The following STIM1 variants were observed in gnomAD, a reference collection of about 807,000 sequenced individuals.
STIM1 encodes the protein stromal interaction molecule 1.
Under a neutral mutation model 74.7 loss-of-function variants are expected in STIM1, and 25 were observed. The observed-to-expected ratio is 0.33, with a 90% CI of 0.24 to 0.47. The LOEUF is 0.47. STIM1 is among the 20% of genes least tolerant of loss of function. STIM1 has a pLI of 1.00. For missense variants in STIM1, 728 were observed against 920.8 expected (o/e 0.79, Z 2.71); for synonymous variants, 328 against 348.8 (o/e 0.94, Z 0.66).
intron 3 of STIM1, among the ~76,000 whole-genome samples, chr11:4,031,246 T>C (rs1056868258): frequency 2.0e-5 from 3 of 152,220 alleles, no homozygotes; most frequent in Non-Finnish European, 2.9e-5. Flanking sequence ...TTTTATTGCT[T>C]AGTAGTAGTC....
chr11:3,877,630 T>A (rs534202112), intron 1 of STIM1, among the ~76,000 whole-genome samples: 60 of 152,354 alleles, frequency 3.9e-4, no homozygotes, highest in Non-Finnish European at 6.5e-4. Flanking sequence ...CTTGGGTTAA[T>A]CAGGTATTTA....
chr11:4,059,425 C>CT (rs760001959), intron 5 of STIM1, 29 bp downstream of exon 5: 1 of 1,596,474 alleles, frequency 6.3e-7, no homozygotes, highest in Non-Finnish European at 8.6e-7. Context: ...AGGGCTACTG[C>CT]TGTGCCATGG....
At chr11:4,071,429 C>T (rs1345591330) in intron 6 of STIM1, among the ~76,000 whole-genome samples, 1 of 152,158 alleles carries the variant, frequency 6.6e-6, no homozygotes, top group Non-Finnish European at 1.5e-5. Flanking sequence ...TGGCTCACTG[C>T]AGCCTCCACC....
At chr11:3,873,080 G>T (rs2091174155) in intron 1 of STIM1, among the ~76,000 whole-genome samples, 1 of 151,650 alleles carries the variant, frequency 6.6e-6, no homozygotes, top group Admixed American at 6.6e-5. Flanking sequence ...TTCCAAGCTG[G>T]GACTATACGC....
chr11:3,946,034 C>T (rs537981834), intron 1 of STIM1, among the ~76,000 whole-genome samples: 1 of 152,226 alleles, frequency 6.6e-6, no homozygotes, highest in Admixed American at 6.5e-5. Flanking sequence ...CCCCATGACC[C>T]ACACACCTCC....
chr11:3,998,104 C>A (rs1283924212), intron 2 of STIM1, among the ~76,000 whole-genome samples: 2 of 152,180 alleles, frequency 1.3e-5, no homozygotes, highest in African/African-American at 4.8e-5. Flanking sequence ...ATATTACACA[C>A]ACACACAGAC....
At chr11:3,874,148 C>T (rs955640433) in intron 1 of STIM1, among the ~76,000 whole-genome samples, 4 of 152,114 alleles carry the variant, frequency 2.6e-5, no homozygotes, top group Non-Finnish European at 4.4e-5. Context: ...GACTGCCAAA[C>T]ATTTTATGGT....
In STIM1 at chr11:4,009,311, G is replaced by A. The variant is rs981679562; in HGVS notation, c.271-14562G>A. 6.8e-5 allele frequency among the ~76,000 whole-genome samples: 9 copies of A among 132,298 alleles called. No homozygotes were observed. In the East Asian group the frequency reaches 1.7e-3, roughly 25 times the overall value. The allele number at this position is 132,298 out of a possible 152,430, so 86.8% of individuals were successfully genotyped here. A position where few individuals can be genotyped will look rare whatever the true frequency, so the allele number is the denominator to read the frequency against. ...GTGTCTCAAAAAAAAAAAAAAAGTT[G>A]CATTTTAAAATTAATTTGTGGCCGG... On this transcript the variant is annotated intron_variant, in intron 2 of 12. Coordinates refer to ENST00000526596, the MANE Select transcript of STIM1 (RefSeq NM_001382567.1).
chr11:3,881,398 T>A (rs1022599579), intron 1 of STIM1, among the ~76,000 whole-genome samples: 1 of 152,114 alleles, frequency 6.6e-6, no homozygotes, highest in Non-Finnish European at 1.5e-5. Context: ...CAAGATGGAG[T>A]CTCTCTCTGT....
intron 1 of STIM1, among the ~76,000 whole-genome samples, chr11:3,861,235 ATTTT>A (rs35261978): frequency 7.2e-6 from 1 of 137,954 alleles, no homozygotes. Context: ...TAGTGGTTCT[ATTTT>A]TTTTTTTTTT....
chr11:3,963,378 G>A (rs1393228393), intron 1 of STIM1, among the ~76,000 whole-genome samples: 1 of 152,124 alleles, frequency 6.6e-6, no homozygotes, highest in East Asian at 1.9e-4. Flanking sequence ...TAAGGATAAT[G>A]ACCTCCATCT....
intron 1 of STIM1, among the ~76,000 whole-genome samples, chr11:3,857,096 G>GTTTTTTTTTT (rs1397784537): frequency 5.1e-5 from 4 of 78,014 alleles, no homozygotes; most frequent in Non-Finnish European, 7.1e-5. Flanking sequence ...CATGCTACAG[G>GTTTTTTTTTT]TTTTTTTTTT....
chr11:4,028,739 C>T (rs917439704), intron 3 of STIM1, among the ~76,000 whole-genome samples: 7 of 152,068 alleles, frequency 4.6e-5, no homozygotes, highest in African/African-American at 1.4e-4. Flanking sequence ...TTTCTTTCCT[C>T]GTTTTTATGA....
intron 3 of STIM1, among the ~76,000 whole-genome samples, chr11:4,032,709 T>C (rs2094061703): frequency 1.3e-5 from 2 of 152,216 alleles, no homozygotes; most frequent in Non-Finnish European, 2.9e-5. Flanking sequence ...TTTTTTGGTC[T>C]TTCACATTTA....
chr11:4,081,473 A>G (rs1470165243), intron 7 of STIM1, among the ~76,000 whole-genome samples: 2 of 152,216 alleles, frequency 1.3e-5, no homozygotes, highest in Admixed American at 1.3e-4. Flanking sequence ...TTCAAAGCCC[A>G]CTTGCTCTAC....
chr11:3,937,493 G>A (rs991593493), intron 1 of STIM1, among the ~76,000 whole-genome samples: 8 of 152,018 alleles, frequency 5.3e-5, no homozygotes, highest in East Asian at 1.9e-4. Flanking sequence ...GCCTGCTAGC[G>A]GGCCCCATTT....
chr11:4,084,734 C>T lies in STIM1; in HGVS notation c.1536C>T (p.Gly512=). ...GCTCTCTCTGCTCTACATCCGCCGG[C>T]TCGGATGATCAGTCCCTCTGGAAAT... ...SDRSLCSTSA[G]SDDQSLWKYP... Residue 512 remains glycine (G), a synonymous_variant, in exon 11 of 13, where the codon GGC becomes GGT. Coordinates refer to ENST00000526596, the MANE Select transcript of STIM1 (RefSeq NM_001382567.1). The T allele has an allele frequency of 1.6e-6, 2 of 1,289,432 alleles. No individual in the cohort carries two copies. The highest frequency in any genetic ancestry group is 2.0e-6 in the Non-Finnish European group (2 of 988,886). 79.9% of individuals were successfully genotyped at this position (1,289,432 alleles called of 1,614,324 possible).
At chr11:3,999,973 T>C (rs562363327) in intron 2 of STIM1, among the ~76,000 whole-genome samples, 52 of 151,980 alleles carry the variant, frequency 3.4e-4, no homozygotes, top group African/African-American at 1.2e-3. Flanking sequence ...CATGGAGTCT[T>C]GCTGATTGCT....
At chr11:4,059,206 G>C (rs1357917626) in intron 4 of STIM1, 75 bp from the exon 5 acceptor site, 2 of 1,254,580 alleles carry the variant, frequency 1.6e-6, no homozygotes, top group African/African-American at 1.5e-5. Context: ...GTTCCTGGGG[G>C]AGGCGGGTAA....
Sources: allele counts gnomAD v4.1 joint callset (sites outside exome capture counted in the v4.1 genomes callset), GRCh38; gene constraint gnomAD v4.1.1; transcripts MANE v1.5; gene names NCBI Gene and HGNC (gene_info 2026-07-23, HGNC 2026-07-21).